MORC1: variants seen among roughly 807,000 people sequenced by gnomAD.
MORC1 encodes the protein MORC family CW-type zinc finger 1.
In MORC1, 59 loss-of-function variants were observed where a neutral mutation model predicts 134.9. The observed-to-expected ratio is 0.44, with a 90% CI of 0.35 to 0.54. MORC1 has a LOEUF of 0.54. Ranked by LOEUF, MORC1 falls within the 20% of genes least tolerant of loss-of-function variation. The pLI is 0.00. For synonymous variants in MORC1, 395 were observed against 391.7 expected (o/e 1.01, Z -0.10); for missense variants, 947 against 1,134.5 (o/e 0.83, Z 2.37).
intron 17 of MORC1, among the ~76,000 whole-genome samples, chr3:109,011,478 AT>A (rs1175854784): frequency 6.8e-6 from 1 of 147,024 alleles, no homozygotes; most frequent in African/African-American, 2.5e-5. Flanking sequence ...AAATGTGTCT[AT>A]TTTTTAACTG....
chr3:108,974,413 C>T (rs1947490894), intron 24 of MORC1, among the ~76,000 whole-genome samples: 1 of 152,190 alleles, frequency 6.6e-6, no homozygotes, highest in Admixed American at 6.5e-5. Flanking sequence ...GAATGATATT[C>T]TTCAGCAATA....
intron 23 of MORC1, among the ~76,000 whole-genome samples, chr3:108,980,549 G>T (rs1947689365): frequency 6.6e-6 from 1 of 152,130 alleles, no homozygotes. Flanking sequence ...TACCCTTAAG[G>T]CAGGAAGCCC....
chr3:108,990,328 T>A (rs1422799158), intron 21 of MORC1, among the ~76,000 whole-genome samples: 1 of 152,142 alleles, frequency 6.6e-6, no homozygotes, highest in Non-Finnish European at 1.5e-5. Flanking sequence ...AGTTCCTGCA[T>A]AATCTGACCC....
At chr3:109,113,045 G>C (rs974388484) in intron 2 of MORC1, among the ~76,000 whole-genome samples, 1 of 152,166 alleles carries the variant, frequency 6.6e-6, no homozygotes, top group African/African-American at 2.4e-5. Flanking sequence ...AAGGAGAAAA[G>C]ACAGTTGGAA....
intron 17 of MORC1, among the ~76,000 whole-genome samples, chr3:109,021,496 T>C (rs2197736): frequency 0.26 from 39,208 of 152,090 alleles, 5,271 homozygotes; most frequent in Middle Eastern, 0.43. Context: ...GAAAAATGTG[T>C]TCCCTCTGGA....
intron 16 of MORC1, among the ~76,000 whole-genome samples, chr3:109,028,243 A>C (rs548641779): frequency 1.4e-5 from 2 of 147,046 alleles, no homozygotes; most frequent in South Asian, 2.2e-4. Context: ...TTCCCCCCCC[A>C]AAAAAGGTAG....
chr3:109,080,510 G>A (rs1195293099), intron 8 of MORC1, among the ~76,000 whole-genome samples: 1 of 152,052 alleles, frequency 6.6e-6, no homozygotes, highest in Non-Finnish European at 1.5e-5. Context: ...ACTGAACCCA[G>A]ACAGTCCTTC....
chr3:109,030,498 T>A (rs1342950495), intron 16 of MORC1, among the ~76,000 whole-genome samples: 1 of 152,212 alleles, frequency 6.6e-6, no homozygotes, highest in African/African-American at 2.4e-5. Flanking sequence ...CAATTTTGCT[T>A]TACATCTCCC....
chr3:109,063,344 TTCA>T (rs1287125647), intron 9 of MORC1, 113 bp from the exon 10 acceptor site: 1 of 594,836 alleles, frequency 1.7e-6, no homozygotes, highest in South Asian at 3.8e-5. Flanking sequence ...TTAAGAAAGA[TTCA>T]TCGAGTGAGT....
At chr3:109,004,938 C>G in intron 19 of MORC1, 50 bp from the exon 20 acceptor site, 1 of 1,589,734 alleles carries the variant, frequency 6.3e-7, no homozygotes, top group Non-Finnish European at 8.6e-7. Context: ...GGGACCTTGT[C>G]CAGGAAACAC....
intron 8 of MORC1, 30 bp downstream of exon 8, chr3:109,093,406 T>A (rs1559948124): frequency 6.4e-7 from 1 of 1,556,756 alleles, no homozygotes. Context: ...CCACCATTGT[T>A]GAAAAACATT....
At chr3:108,985,605 C>T (rs915602424) in intron 22 of MORC1, among the ~76,000 whole-genome samples, 1 of 152,146 alleles carries the variant, frequency 6.6e-6, no homozygotes, top group Non-Finnish European at 1.5e-5. Context: ...GCTGTAGGCA[C>T]CATTGGTTTT....
Position 109,111,578 on chromosome 3 carries a change from G to A in MORC1, c.120-795C>T, listed in dbSNP as rs964063707. Reference sequence around the variant, plus strand: ...ATTTTTAAAAGTAAAATTTTTAATAGAAAAGAAGAAAAGGCCAGAAGACTC... The same window carrying A: ...ATTTTTAAAAGTAAAATTTTTAATAAAAAAGAAGAAAAGGCCAGAAGACTC... On this transcript the variant is annotated intron_variant, in intron 2 of 27. Transcript: ENST00000232603. Among the ~76,000 whole-genome samples, 115 of 152,138 alleles carry A rather than the reference G, an allele frequency of 7.6e-4. 1 individual carries two copies. The highest frequency in any genetic ancestry group is 2.7e-3 in the African/African-American group (113 of 41,488).
At chr3:108,991,605 C>T (rs1355743261) in intron 21 of MORC1, among the ~76,000 whole-genome samples, 1 of 152,160 alleles carries the variant, frequency 6.6e-6, no homozygotes, top group Non-Finnish European at 1.5e-5. Flanking sequence ...CTCAAGGAAC[C>T]TATTAAAATT....
rs552558628 is a variant in MORC1, at chr3:108,979,176, C to CA, written c.2477+338dup. On this transcript the variant is annotated intron_variant, in intron 24 of 27. Transcript: ENST00000232603. The stretch of plus-strand genomic sequence containing the variant: ...TTCAGTATCCAAGACTAAAACAAAC[C>CA]AAAAAAAACCCAGAGTTTTTAAAAG... Among the ~76,000 whole-genome samples the CA allele has an allele frequency of 6.3e-4, 95 of 151,206 alleles. 1 individual carries two copies. In the South Asian group the frequency reaches 0.015, roughly 24 times the overall value.
chr3:109,070,985 T>G (rs546365973), intron 8 of MORC1, among the ~76,000 whole-genome samples: 15 of 152,322 alleles, frequency 9.8e-5, no homozygotes, highest in Non-Finnish European at 1.6e-4. Context: ...ATATTAATAC[T>G]AGTGTATTTT....
chr3:109,042,217 G>A (rs1204328199), intron 14 of MORC1, among the ~76,000 whole-genome samples: 1 of 152,114 alleles, frequency 6.6e-6, no homozygotes, highest in Non-Finnish European at 1.5e-5. Context: ...ATTAAAAATA[G>A]AATTACCATG....
intron 8 of MORC1, 107 bp from the exon 9 acceptor site, chr3:109,069,864 C>T (rs1559934612): frequency 1.6e-6 from 2 of 1,215,006 alleles, no homozygotes; most frequent in Non-Finnish European, 2.2e-6. Flanking sequence ...CTACAAGAAG[C>T]TTCAAGAACT....
chr3:109,076,647 A>G (rs887075186), intron 8 of MORC1, among the ~76,000 whole-genome samples: 9 of 152,204 alleles, frequency 5.9e-5, no homozygotes, highest in African/African-American at 2.2e-4. Flanking sequence ...CTATGCAGCC[A>G]TAAGAAAGGA....
Sources: allele counts gnomAD v4.1 joint callset (sites outside exome capture counted in the v4.1 genomes callset), GRCh38; gene constraint gnomAD v4.1.1; transcripts MANE v1.5; gene names NCBI Gene and HGNC (gene_info 2026-07-23, HGNC 2026-07-21).